ANKRD17: variants seen among roughly 807,000 people sequenced by gnomAD.
The protein encoded by ANKRD17 is ankyrin repeat domain 17, also known as ankyrin repeat domain-containing protein 17.
Under a neutral mutation model 229.7 loss-of-function variants are expected in ANKRD17, and 19 were observed. That is an observed-to-expected ratio of 0.08 (90% confidence interval 0.06 to 0.12). The LOEUF (loss-of-function observed/expected upper bound fraction) is 0.12. ANKRD17 is among the 10% of genes least tolerant of loss of function. The probability of loss-of-function intolerance (pLI) is 1.00; values close to 1 mark genes in which losing one functional copy is unlikely to be tolerated. For missense variants in ANKRD17, 2,176 were observed against 3,176.8 expected (o/e 0.68, Z 7.57); for synonymous variants, 1,112 against 1,146.1 (o/e 0.97, Z 0.60).
At chr4:73,137,357 G>C (rs1395406893) in intron 15 of ANKRD17, among the ~76,000 whole-genome samples, 1 of 152,102 alleles carries the variant, frequency 6.6e-6, no homozygotes, top group Non-Finnish European at 1.5e-5. Flanking sequence ...CAAGTGTGAA[G>C]AACAGGAAAG....
At position 73,258,466 on chromosome 4, in the gene ANKRD17, T is replaced by G. The variant is rs1473793687; in HGVS notation, c.203A>C (p.Gln68Pro). Residue 68 changes from glutamine to proline, a missense_variant, in exon 1 of 34, where the codon CAG (glutamine) becomes CCG (proline). Physicochemically the swap from Gln to Pro is moderately conservative, Grantham distance 76. This residue lies in a region of ANKRD17 where 196 missense variants were observed against 190.0 expected (regional missense o/e 1.03). Transcript: ENST00000358602. ...CDLLLKKKPP[Q>P]QQHHKAKRNR... ...ACGCTTGGCCTTGTGGTGCTGCTGC[T>G]GCGGCGGCTTCTTCTTCAGGAGCAG... is the stretch of plus-strand genomic sequence containing the variant. The G allele has an allele frequency of 6.2e-7, 1 of 1,601,266 alleles. No homozygotes were observed. Among genetic ancestry groups the G allele is most frequent in the Non-Finnish European group, 8.5e-7 (1 of 1,174,996 alleles).
intron 18 of ANKRD17, among the ~76,000 whole-genome samples, chr4:73,122,429 T>C (rs1327480854): frequency 6.6e-6 from 1 of 152,184 alleles, no homozygotes; most frequent in African/African-American, 2.4e-5. Context: ...AGTGGATGTG[T>C]AGTTGTATCC....
At chr4:73,188,563 C>T (rs979793120) in intron 1 of ANKRD17, among the ~76,000 whole-genome samples, 3 of 151,596 alleles carry the variant, frequency 2.0e-5, no homozygotes, top group Admixed American at 6.6e-5. Context: ...CCAGCCTGGG[C>T]GACAGAGTGA....
intron 1 of ANKRD17, among the ~76,000 whole-genome samples, chr4:73,219,581 C>A (rs1024511652): frequency 6.6e-6 from 1 of 152,076 alleles, no homozygotes; most frequent in African/African-American, 2.4e-5. Context: ...CATAATAAAC[C>A]TACTTACTTT....
chr4:73,131,509 G>T (rs535539266), intron 16 of ANKRD17, among the ~76,000 whole-genome samples: 1 of 152,108 alleles, frequency 6.6e-6, no homozygotes, highest in African/African-American at 2.4e-5. Context: ...AAAGACAAAT[G>T]ATCTCTTACC....
intron 5 of ANKRD17, among the ~76,000 whole-genome samples, chr4:73,155,329 T>C (rs1425032514): frequency 1.3e-5 from 2 of 152,190 alleles, no homozygotes; most frequent in South Asian, 2.1e-4. Flanking sequence ...ACTGGAAACA[T>C]GGATTTGAGC....
At position 73,077,341 on chromosome 4, in the gene ANKRD17, A is replaced by C. The variant is rs1278221368; in HGVS notation, c.7587+14T>G. ...ATCCTCCCTTAAATAACTAGTACAA[A>C]ATCAGGACTTTACCCCAACTTTAGG... On this transcript the variant is annotated intron_variant, in intron 32 of 33. Transcript: ENST00000358602. 1 of 1,596,230 alleles carries C rather than the reference A, an allele frequency of 6.3e-7. No individual in the cohort carries two copies. Among genetic ancestry groups the C allele is most frequent in the Non-Finnish European group, 8.5e-7 (1 of 1,171,900 alleles).
chr4:73,226,389 GTTT>G (rs1157719883), intron 1 of ANKRD17, among the ~76,000 whole-genome samples: 34 of 87,612 alleles, frequency 3.9e-4, no homozygotes, highest in African/African-American at 1.5e-3. Flanking sequence ...CTTTTCTTCT[GTTT>G]TTTTTTTTTT....
rs376790241 is a variant in ANKRD17, at chr4:73,161,208, C to A, written c.688G>T (p.Ala230Ser). The stretch of plus-strand genomic sequence containing the variant: ...TGTACTTACTTGTCCGACTGCCCTG[C>A]ATTTGCTGTGCTTTCAGCTCTCATA... Reference protein sequence around the residue: ...TRMRAESTANAGQSDNRSLAE... With the variant: ...TRMRAESTANSGQSDNRSLAE... Residue 230 changes from alanine (A) to serine (S), a missense_variant, in exon 3 of 34, where the codon GCA becomes TCA. Transcript: ENST00000358602. 6.2e-7 allele frequency: 1 copy of A among 1,613,986 alleles called. No individual in the cohort carries two copies. Among genetic ancestry groups the A allele is most frequent in the South Asian group, 1.1e-5 (1 of 90,984 alleles).
intron 24 of ANKRD17, among the ~76,000 whole-genome samples, chr4:73,110,827 C>T (rs1176290427): frequency 6.6e-6 from 1 of 152,210 alleles, no homozygotes; most frequent in East Asian, 1.9e-4. Context: ...GTGCAGGAAT[C>T]AATTTAGATA....
intron 1 of ANKRD17, among the ~76,000 whole-genome samples, chr4:73,201,437 A>G (rs1232100636): frequency 9.2e-5 from 14 of 152,090 alleles, no homozygotes; most frequent in Admixed American, 9.2e-4. Flanking sequence ...TTTCAGAAAA[A>G]TTAATAAAAT....
chr4:73,231,469 C>A (rs2149241066), intron 1 of ANKRD17, among the ~76,000 whole-genome samples: 1 of 152,294 alleles, frequency 6.6e-6, no homozygotes, highest in East Asian at 1.9e-4. Context: ...CCAGCCTAAT[C>A]TATTCATAAC....
At chr4:73,188,900 C>A (rs114589407) in intron 1 of ANKRD17, among the ~76,000 whole-genome samples, 364 of 152,066 alleles carry the variant, frequency 2.4e-3, no homozygotes, top group African/African-American at 8.6e-3. Context: ...ATCTATGAAT[C>A]AATAAATCTA....
intron 1 of ANKRD17, among the ~76,000 whole-genome samples, chr4:73,237,013 T>C (rs911911007): frequency 6.6e-6 from 1 of 152,192 alleles, no homozygotes; most frequent in Non-Finnish European, 1.5e-5. Context: ...TTAAATGTAA[T>C]TTTTGTCAAG....
chr4:73,086,919 A>AAAAAATATATATAT (rs1553911000), intron 29 of ANKRD17, among the ~76,000 whole-genome samples: 1 of 12,462 alleles, frequency 8.0e-5, no homozygotes, highest in Admixed American at 7.6e-4. Context: ...AAAAAAAAAA[A>AAAAAATATATATAT]ATATATATAT....
chr4:73,177,693 A>G (rs1165812852), intron 1 of ANKRD17, among the ~76,000 whole-genome samples, 160 bp from the exon 2 acceptor site: 1 of 152,208 alleles, frequency 6.6e-6, no homozygotes, highest in Non-Finnish European at 1.5e-5. Flanking sequence ...ATGACATCTA[A>G]GCCTGTTGAT....
At chr4:73,180,818 A>T (rs894880692) in intron 1 of ANKRD17, among the ~76,000 whole-genome samples, 2 of 152,178 alleles carry the variant, frequency 1.3e-5, no homozygotes, top group African/African-American at 4.8e-5. Context: ...ATGTGACCTA[A>T]CCAAGTCTCT....
intron 5 of ANKRD17, among the ~76,000 whole-genome samples, chr4:73,155,163 T>C (rs1026015204): frequency 1.3e-5 from 2 of 152,216 alleles, no homozygotes; most frequent in South Asian, 2.1e-4. Context: ...GAAAAAAATA[T>C]ATATTTTAGA....
intron 14 of ANKRD17, among the ~76,000 whole-genome samples, chr4:73,140,880 C>T (rs1372776781): frequency 6.6e-6 from 1 of 152,164 alleles, no homozygotes; most frequent in Non-Finnish European, 1.5e-5. Context: ...AGCTATCTGG[C>T]CAGTAGAGAA....
Sources: allele counts gnomAD v4.1 joint callset (sites outside exome capture counted in the v4.1 genomes callset), GRCh38; gene constraint gnomAD v4.1.1; regional missense constraint gnomAD v4.1.1; transcripts MANE v1.5; gene names NCBI Gene and HGNC (gene_info 2026-07-23, HGNC 2026-07-21).